The following SANBR variants were observed in gnomAD, a reference collection of about 807,000 sequenced individuals.
The protein encoded by SANBR is SANT and BTB domain regulator of class switch recombination.
A neutral mutation model predicts 101.8 loss-of-function variants in SANBR; 77 were observed. The ratio of observed to expected loss-of-function variants is 0.76; its 90% CI spans 0.63 to 0.91. The LOEUF (loss-of-function observed/expected upper bound fraction) is 0.91. Ranked by LOEUF, SANBR falls within the 40% of genes least tolerant of loss-of-function variation. SANBR has a pLI of 0.00. For missense variants in SANBR, 875 were observed against 853.0 expected, an observed-to-expected ratio of 1.03 and a Z score of -0.32; for synonymous variants, 279 against 274.7, an observed-to-expected ratio of 1.02 and a Z score of -0.15.
At chr2:61,068,537 G>A (rs1681297938) in intron 1 of SANBR, among the ~76,000 whole-genome samples, 1 of 152,148 alleles carries the variant, frequency 6.6e-6, no homozygotes, top group South Asian at 2.1e-4. Context: ...CCAAAGGTTA[G>A]GTATTGTTTT....
At chr2:61,109,362 A>T (rs1302314950) in intron 16 of SANBR, 66 bp downstream of exon 16, 2 of 855,542 alleles carry the variant, frequency 2.3e-6, no homozygotes, top group Non-Finnish European at 3.6e-6. Context: ...GAAGCCTTTA[A>T]TGCAAGGGAT....
intron 5 of SANBR, 102 bp downstream of exon 5, chr2:61,073,653 A>G: frequency 3.3e-6 from 2 of 601,704 alleles, no homozygotes; most frequent in Non-Finnish European, 5.6e-6. Flanking sequence ...ATATTGCATA[A>G]TTGCTGAAAC....
intron 20 of SANBR, chr2:61,134,053 C>A (rs775688752): frequency 6.4e-7 from 1 of 1,559,452 alleles, no homozygotes; most frequent in Non-Finnish European, 8.8e-7. Context: ...ACAGCTACAT[C>A]ATTTTGTTTA....
chr2:61,093,758 G>T (rs542200450), intron 11 of SANBR, among the ~76,000 whole-genome samples: 1 of 152,254 alleles, frequency 6.6e-6, no homozygotes, highest in East Asian at 1.9e-4. Context: ...TTTGCAGATA[G>T]GATGCTATTG....
Position 61,070,367 on chromosome 2 carries a change from C to A in SANBR, c.17C>A (p.Ser6Ter). 3 of 1,582,260 alleles carry A rather than the reference C, an allele frequency of 1.9e-6. No homozygotes were observed. Among genetic ancestry groups the A allele is most frequent in the Non-Finnish European group, 2.6e-6 (3 of 1,168,680 alleles). Residue 6 changes from serine (S) to a stop codon, truncating the protein, a stop_gained, in exon 3 of 22, where the codon TCA becomes TAA. Transcript: ENST00000402291. LOFTEE classifies it high-confidence loss of function. ...TTCCAAAAGATGAGTCGTGGATATT[C>A]AGAAAACAACAATTTCCTGAACAAT... The part of the protein sequence containing the change: MSRGY[S>*]ENNNFLNNNN...
At chr2:61,111,476 T>A (rs959594171) in intron 16 of SANBR, among the ~76,000 whole-genome samples, 2 of 152,216 alleles carry the variant, frequency 1.3e-5, no homozygotes, top group Non-Finnish European at 2.9e-5. Context: ...TCTCGAATCC[T>A]CCAATGAAAA....
At position 61,097,850 on chromosome 2, in the gene SANBR, A is replaced by T; in HGVS notation, c.1363A>T (p.Lys455Ter). The change falls in exon 12 of 22, where the codon AAG (lysine) becomes TAG (stop). Residue 455 changes from lysine (K) to a stop codon, truncating the protein, a stop_gained and splice_region_variant. Coordinates refer to ENST00000402291, the MANE Select transcript of SANBR (RefSeq NM_001129993.3). LOFTEE classifies it high-confidence loss of function. Reference sequence around the variant, plus strand: ...TCGGTTTGATCCTACTCAGCTTACAAAGGTGAATTTTGAATATTGCCCTTA... The same window carrying T: ...TCGGTTTGATCCTACTCAGCTTACATAGGTGAATTTTGAATATTGCCCTTA... ...VLRFDPTQLT[K>*]GCKVRDHMVT... is the part of the protein sequence containing the mutation. The T allele has an allele frequency of 1.2e-6, 2 of 1,610,206 alleles. No individual in the cohort carries two copies. Among genetic ancestry groups the T allele is most frequent in the Non-Finnish European group, 1.7e-6 (2 of 1,177,942 alleles).
intron 21 of SANBR, chr2:61,121,528 T>TA: frequency 3.1e-6 from 1 of 320,552 alleles, no homozygotes; most frequent in South Asian, 3.6e-5. Flanking sequence ...CAACTCCTGA[T>TA]AAAAATGTAA....
chr2:61,131,862 T>C lies in SANBR; in HGVS notation c.2029-2275T>C, dbSNP rs182661143. On this transcript the variant is annotated intron_variant, in intron 20 of 21. Coordinates refer to the SANBR transcript ENST00000295031. ...AGACATACAGATCAATGGAACAGGA[T>C]TGGGAGTCCAGAAATAAACCCACAT... Among the ~76,000 whole-genome samples, 74 of 152,322 alleles carry C rather than the reference T, an allele frequency of 4.9e-4. No homozygotes were observed. The East Asian group carries it at 0.013, about 26-fold the overall frequency.
Position 61,109,281 on chromosome 2 carries a change from G to C in SANBR, c.1729G>C (p.Val577Leu). ...TEDEVGDEEEVSKKQRKKEKP... is the reference protein window; with the variant it reads ...TEDEVGDEEELSKKQRKKEKP... ...AGATGAAGTTGGAGATGAAGAAGAA[G>C]TATCCAAGAAACAAAGTATTGGTTT... Residue 577 changes from valine (V) to leucine (L), a missense_variant, in exon 16 of 22, where the codon GTA becomes CTA. By Grantham distance (32) the Val-to-Leu change is conservative. Coordinates refer to ENST00000402291, the MANE Select transcript of SANBR (RefSeq NM_001129993.3). 6.4e-7 allele frequency: 1 copy of C among 1,559,530 alleles called. No individual in the cohort carries two copies. The highest frequency in any genetic ancestry group is 8.7e-7 in the Non-Finnish European group (1 of 1,144,364).
At chr2:61,113,622 C>G (rs1214762984) in intron 16 of SANBR, among the ~76,000 whole-genome samples, 1 of 152,158 alleles carries the variant, frequency 6.6e-6, no homozygotes, top group Non-Finnish European at 1.5e-5. Flanking sequence ...GATGGTAATA[C>G]TAATGATGGT....
In SANBR at chr2:61,122,932, G is replaced by A. The variant is rs1350982442; in HGVS notation, c.*770G>A. 2 of 985,170 alleles carry A rather than the reference G, an allele frequency of 2.0e-6. No homozygotes were observed. Among genetic ancestry groups the A allele is most frequent in the Admixed American group, 6.2e-5 (1 of 16,256 alleles). 61.0% of individuals were successfully genotyped at this position (985,170 alleles called of 1,614,324 possible). A position where few individuals can be genotyped will look rare whatever the true frequency, so the allele number is the denominator to read the frequency against. ...ATAGTAAATCATTTCTGTTATATGA[G>A]ACACCCACTGTACAGTTCTCAGGGC... On this transcript the variant is annotated 3_prime_UTR_variant, in exon 22 of 22. Transcript: ENST00000402291.
chr2:61,121,438 T>A (rs908215375), intron 21 of SANBR, 162 bp downstream of exon 21: 1 of 479,316 alleles, frequency 2.1e-6, no homozygotes, highest in Non-Finnish European at 3.8e-6. Flanking sequence ...GATTTTAACT[T>A]AAAAGATAAA....
At chr2:61,136,628 CAA>C (rs879360258) in intron 21 of SANBR, among the ~76,000 whole-genome samples, 6 of 115,550 alleles carry the variant, frequency 5.2e-5, no homozygotes, top group Non-Finnish European at 5.6e-5. Flanking sequence ...GACTATGTCT[CAA>C]AAAAAAAAAA....
intron 8 of SANBR, among the ~76,000 whole-genome samples, chr2:61,083,519 C>G (rs913130875): frequency 6.6e-6 from 1 of 151,204 alleles, no homozygotes; most frequent in Non-Finnish European, 1.5e-5. Context: ...ACCTCAGCCT[C>G]CCAAGTAGCT....
At chr2:61,098,787 A>G (rs1302630812) in intron 12 of SANBR, among the ~76,000 whole-genome samples, 1 of 152,258 alleles carries the variant, frequency 6.6e-6, no homozygotes, top group African/African-American at 2.4e-5. Context: ...AAAGCACCAA[A>G]GATGTGCTAT....
At chr2:61,104,970 GT>G (rs1683484907) in intron 13 of SANBR, among the ~76,000 whole-genome samples, 1 of 150,948 alleles carries the variant, frequency 6.6e-6, no homozygotes, top group African/African-American at 2.4e-5. Flanking sequence ...AATGTTGATG[GT>G]TGAGTTCATC....
chr2:61,097,784 G>A lies in SANBR; in HGVS notation c.1297G>A (p.Val433Ile), dbSNP rs559557674. 50 of 1,613,148 alleles carry A rather than the reference G, an allele frequency of 3.1e-5. No individual in the cohort carries two copies. Among genetic ancestry groups the A allele is most frequent in the South Asian group, 1.2e-4 (11 of 91,028 alleles). Residue 433 changes from valine (V) to isoleucine (I), a missense_variant, in exon 12 of 22, where the codon GTT becomes ATT. Val to Ile is a conservative substitution (Grantham distance 29). Transcript: ENST00000402291. ...YPTAASSLNT[V>I]GTGIYPCCNQ... ...TACTGCAGCAAGTTCATTGAATACT[G>A]TTGGCACTGGAATTTATCCCTGCTG...
At chr2:61,100,924 G>A (rs1361750399) in intron 12 of SANBR, among the ~76,000 whole-genome samples, 1 of 152,160 alleles carries the variant, frequency 6.6e-6, no homozygotes, top group Non-Finnish European at 1.5e-5. Context: ...GAGAAGATGG[G>A]TAGTTGAGTT....
Sources: gnomAD v4.1 joint callset for allele counts (sites outside exome capture counted in the v4.1 genomes callset) on GRCh38, gnomAD v4.1.1 for gene constraint, MANE v1.5 for transcripts, NCBI Gene and HGNC (gene_info 2026-07-23, HGNC 2026-07-21) for gene names.